COQ8A: variants seen among roughly 807,000 people sequenced by gnomAD.
COQ8A encodes coenzyme Q8A.
In COQ8A, 51 loss-of-function variants were observed where a neutral mutation model predicts 65.0. That is an observed-to-expected ratio of 0.78 (90% confidence interval 0.63 to 0.99). The LOEUF (loss-of-function observed/expected upper bound fraction) is 0.99, where lower values mean the gene tolerates loss of function less well. COQ8A is among the 50% of genes least tolerant of loss of function. COQ8A has a pLI of 0.00. For synonymous variants in COQ8A, 371 were observed against 353.2 expected (o/e 1.05, Z -0.57); for missense variants, 940 against 875.0 (o/e 1.07, Z -0.94).
At position 226,982,716 on chromosome 1, in the gene COQ8A, G is replaced by A. The variant is rs756432144; in HGVS notation, c.892G>A (p.Glu298Lys). 16 of 1,613,534 alleles carry A rather than the reference G, an allele frequency of 9.9e-6. No individual in the cohort carries two copies. Among genetic ancestry groups the A allele is most frequent in the African/African-American group, 4.0e-5 (3 of 74,920 alleles). Residue 298 changes from glutamate to lysine, a missense_variant, in exon 7 of 15, where the codon GAG (glutamate) becomes AAG (lysine). Physicochemically the swap from Glu to Lys is moderately conservative, Grantham distance 56. Coordinates refer to ENST00000366777, the MANE Select transcript of COQ8A (RefSeq NM_020247.5). ...CAACCCCCACCTGGCTAAGATCTTC[G>A]AGCGGGTGCGGCAGAGCGCGGACTT... Reference protein sequence around the residue: ...FINPHLAKIFERVRQSADFMP... With the variant: ...FINPHLAKIFKRVRQSADFMP...
At chr1:226,969,759 G>GT (rs1452199113) in intron 4 of COQ8A, among the ~76,000 whole-genome samples, 1 of 151,858 alleles carries the variant, frequency 6.6e-6, no homozygotes, top group African/African-American at 2.4e-5. Context: ...TATATAGTTG[G>GT]TTTTTTGTGT....
chr1:226,956,078 C>CCACTCTCCCTGGTTCA (rs1558183850), intron 1 of COQ8A, among the ~76,000 whole-genome samples: 5 of 107,944 alleles, frequency 4.6e-5, no homozygotes, highest in Admixed American at 9.6e-5. Flanking sequence ...TCCCTGGTTC[C>CCACTCTCCCTGGTTCA]CACTCTCCCT....
At chr1:226,975,954 G>C (rs1659167297) in intron 4 of COQ8A, among the ~76,000 whole-genome samples, 1 of 152,168 alleles carries the variant, frequency 6.6e-6, no homozygotes, top group Non-Finnish European at 1.5e-5. Flanking sequence ...TAGAGAATTT[G>C]GAAACATGCA....
At chr1:226,981,770 G>T (rs1558204702) in intron 5 of COQ8A, among the ~76,000 whole-genome samples, 1 of 152,208 alleles carries the variant, frequency 6.6e-6, no homozygotes, top group African/African-American at 2.4e-5. Context: ...GAGGCCCTTT[G>T]TGTGTGTGCG....
In COQ8A at chr1:226,977,507, C is replaced by T. The variant is rs1007074887; in HGVS notation, c.714C>T (p.Arg238=). The part of the protein sequence containing the change: ...ALAEVAKKSL[R]SEDPSGKKAV... The stretch of plus-strand genomic sequence containing the variant: ...CAGAGGTCGCCAAGAAGAGCCTGCG[C>T]TCCGAGGACCCCTCAGGTGAGCCGG... The change falls in exon 5 of 15, where the codon CGC becomes CGT. Residue 238 remains arginine (R), a synonymous_variant. Coordinates refer to ENST00000366777, the MANE Select transcript of COQ8A (RefSeq NM_020247.5). 26 of 1,563,050 alleles carry T rather than the reference C, an allele frequency of 1.7e-5. No individual in the cohort carries two copies. The highest frequency in any genetic ancestry group is 2.1e-5 in the Non-Finnish European group (24 of 1,153,682).
rs1301105420 is a variant in COQ8A, at chr1:226,965,239, C to T, written c.417C>T (p.Gly139=). 3 of 1,614,048 alleles carry T rather than the reference C, an allele frequency of 1.9e-6. No homozygotes were observed. The South Asian group carries it at 3.3e-5, about 18-fold the overall frequency. ...GFPGQASSPL[G]RANGRLFANP... is the part of the protein sequence containing the mutation. ...CCGGCCAGGCCTCCTCCCCTCTGGG[C>T]AGGGCCAACGGGAGGCTCTTTGCAA... Residue 139 remains glycine, a synonymous_variant, in exon 3 of 15, where the codon GGC becomes GGT. Coordinates refer to ENST00000366777, the MANE Select transcript of COQ8A (RefSeq NM_020247.5).
chr1:226,966,595 G>T (rs1219053211), intron 4 of COQ8A, among the ~76,000 whole-genome samples: 2 of 152,166 alleles, frequency 1.3e-5, no homozygotes, highest in Non-Finnish European at 2.9e-5. Context: ...TTGGGTGAGT[G>T]GTTAGTTCCA....
At chr1:226,976,399 T>TGGGACTGC (rs1659230947) in intron 4 of COQ8A, among the ~76,000 whole-genome samples, 1 of 148,448 alleles carries the variant, frequency 6.7e-6, no homozygotes, top group African/African-American at 2.5e-5. Context: ...TGCGGGGCTG[T>TGGGACTGC]GGGACTGCGA....
At chr1:226,941,006 C>A (rs1656655888) in intron 1 of COQ8A, among the ~76,000 whole-genome samples, 1 of 152,182 alleles carries the variant, frequency 6.6e-6, no homozygotes, top group East Asian at 1.9e-4. Context: ...TCTGGGGGGT[C>A]TTGTGAGTGG....
intron 10 of COQ8A, 61 bp downstream of exon 10, chr1:226,983,915 C>G: frequency 6.3e-7 from 1 of 1,577,998 alleles, no homozygotes; most frequent in South Asian, 1.1e-5. Flanking sequence ...GGACCATGTT[C>G]AGCAGCTGGT....
rs1215888908 is a variant in COQ8A, at chr1:226,985,070, AG to A, written c.1572+131del. 118 of 1,340,400 alleles carry A rather than the reference AG, an allele frequency of 8.8e-5. No individual in the cohort carries two copies. The East Asian group carries it at 2.8e-3, about 31-fold the overall frequency. The allele number at this position is 1,340,400 out of a possible 1,614,324, so 83.0% of individuals were successfully genotyped here. A position where few individuals can be genotyped will look rare whatever the true frequency, so the allele number is the denominator to read the frequency against. On this transcript the variant is annotated intron_variant, in intron 13 of 14. Coordinates refer to ENST00000366777, the MANE Select transcript of COQ8A (RefSeq NM_020247.5). ...TCCCCATCTGCGCTGCCTGCCCCTC[AG>A]GTCTGGTGACAGCAGGCAGTTAGGC...
At position 226,984,178 on chromosome 1, in the gene COQ8A, G is replaced by GGT; in HGVS notation, c.1344_1345dup (p.Ser449CysfsTer29). ...GCCCACATGTGCTGACCACAGAGCT[G>GGT]GTGTCTGGCTTCCCCCTGGACCAGG... On this transcript the variant is annotated frameshift_variant, in exon 11 of 15. Transcript: ENST00000366777. LOFTEE classifies it high-confidence loss of function. 1 of 1,613,864 alleles carries GGT rather than the reference G, an allele frequency of 6.2e-7. No homozygotes were observed. Among genetic ancestry groups the GGT allele is most frequent in the Non-Finnish European group, 8.5e-7 (1 of 1,179,988 alleles).
Position 226,986,485 on chromosome 1 carries a change from C to T in COQ8A, c.1692C>T (p.Leu564=). 1.9e-6 allele frequency: 3 copies of T among 1,613,458 alleles called. No individual in the cohort carries two copies. Among genetic ancestry groups the T allele is most frequent in the Non-Finnish European group, 2.5e-6 (3 of 1,180,038 alleles). Residue 564 remains leucine (L), a synonymous_variant, in exon 15 of 15, where the codon CTC becomes CTT. Coordinates refer to ENST00000366777, the MANE Select transcript of COQ8A (RefSeq NM_020247.5). ...AAGACGCCCACTTGGATGCCATCCT[C>T]ATCCTGGGGGAGGCCTTCGCCTCTG... is the stretch of plus-strand genomic sequence containing the variant. ...VMEDAHLDAI[L]ILGEAFASDE...
rs764847439 is a variant in COQ8A, at chr1:226,986,631, T to TG, written c.1844dup (p.Ser616LeufsTer114). 2.3e-5 allele frequency: 37 copies of TG among 1,613,580 alleles called. No homozygotes were observed. The East Asian group carries it at 2.7e-4, about 12-fold the overall frequency. The stretch of plus-strand genomic sequence containing the variant: ...GAAACCTACTCCCTGCACAGGAAGA[T>TG]GGGGGGCTCCTTCCTCATCTGCTCC... On this transcript the variant is annotated frameshift_variant, in exon 15 of 15. Coordinates refer to ENST00000366777, the MANE Select transcript of COQ8A (RefSeq NM_020247.5). LOFTEE classifies it high-confidence loss of function.
Position 226,986,726 on chromosome 1 carries a change from G to A in COQ8A, c.1933G>A (p.Ala645Thr). The stretch of plus-strand genomic sequence containing the variant: ...CTACAGCAACTACTGCAAGAGGCAG[G>A]CCCAGCAGTAGGGCTGCGGGCCACG... The part of the protein sequence containing the change: ...EAYSNYCKRQ[A>T]QQ The change falls in exon 15 of 15, where the codon GCC becomes ACC. Residue 645 changes from alanine (A) to threonine (T), a missense_variant. Coordinates refer to ENST00000366777, the MANE Select transcript of COQ8A (RefSeq NM_020247.5). 1 of 1,613,222 alleles carries A rather than the reference G, an allele frequency of 6.2e-7. No individual in the cohort carries two copies. The highest frequency in any genetic ancestry group is 8.5e-7 in the Non-Finnish European group (1 of 1,180,012).
chr1:226,977,257 G>A (rs1248026837), intron 4 of COQ8A, 192 bp from the exon 5 acceptor site: 2 of 588,950 alleles, frequency 3.4e-6, no homozygotes, highest in Non-Finnish European at 6.1e-6. Flanking sequence ...CACCTACCTC[G>A]AGCCAAATGT....
rs751932768 is a variant in COQ8A, at chr1:226,983,835, G to A, written c.1237G>A (p.Ala413Thr). 3.5e-5 allele frequency: 57 copies of A among 1,610,870 alleles called. No homozygotes were observed. The East Asian group carries it at 3.8e-4, about 11-fold the overall frequency. ...GGAGTGTGACTACCAGCGAGAGGCC[G>A]CCTGTGCCCGCAAGTTCAGGTGTGG... Reference protein sequence around the residue: ...ALECDYQREAACARKFRDLLK... With the variant: ...ALECDYQREATCARKFRDLLK... The change falls in exon 10 of 15, where the codon GCC becomes ACC. Residue 413 changes from alanine (A) to threonine (T), a missense_variant. Physicochemically the swap from Ala to Thr is moderately conservative, Grantham distance 58. Transcript: ENST00000366777.
intron 5 of COQ8A, among the ~76,000 whole-genome samples, chr1:226,981,391 AC>A (rs1659679165): frequency 6.6e-6 from 1 of 152,118 alleles, no homozygotes; most frequent in African/African-American, 2.4e-5. Context: ...GGCCACCTGC[AC>A]CCTTGGGGTC....
At chr1:226,951,985 G>C (rs1253016926) in intron 1 of COQ8A, among the ~76,000 whole-genome samples, 1 of 152,220 alleles carries the variant, frequency 6.6e-6, no homozygotes, top group African/African-American at 2.4e-5. Flanking sequence ...TGTTGCAAAA[G>C]ATGTGGTCAC....
Sources: gnomAD v4.1 joint callset for allele counts (sites outside exome capture counted in the v4.1 genomes callset) on GRCh38, gnomAD v4.1.1 for gene constraint, MANE v1.5 for transcripts, NCBI Gene and HGNC (gene_info 2026-07-23, HGNC 2026-07-21) for gene names.